Variants in TAF5L observed in about 807,000 individuals in gnomAD.
TAF5L encodes the protein TAF5-like RNA polymerase II p300/CBP-associated factor-associated factor 65 kDa subunit 5L.
In TAF5L, 7 loss-of-function variants were observed where a neutral mutation model predicts 51.3. The ratio of observed to expected loss-of-function variants is 0.14; its 90% confidence interval spans 0.08 to 0.26. TAF5L has a LOEUF of 0.26. Among genes scored for constraint, TAF5L ranks in the 10% least tolerant of loss-of-function variants. The pLI is 1.00. For synonymous variants in TAF5L, 291 were observed against 308.1 expected (o/e 0.94, Z 0.58); for missense variants, 575 against 758.9 (o/e 0.76, Z 2.85).
chr1:229,622,246 T>C (rs1359131261), intron 1 of TAF5L, among the ~76,000 whole-genome samples: 1 of 152,062 alleles, frequency 6.6e-6, no homozygotes, highest in Non-Finnish European at 1.5e-5. Context: ...TGAATAAATA[T>C]CCCAAACTAG....
chr1:229,594,953 C>T lies in TAF5L; in HGVS notation c.1114G>A (p.Gly372Arg), dbSNP rs1664061913. The change falls in exon 5 of 5, where the codon GGG becomes AGG. Residue 372 changes from glycine (G) to arginine (R), a missense_variant. This residue lies in a region of TAF5L where 104 missense variants were observed against 218.3 expected (regional missense o/e 0.48). Coordinates refer to ENST00000258281, the Ensembl canonical transcript of TAF5L. The surrounding 1 kb of genome is among the most constrained non-coding windows in gnomAD (Gnocchi z 7.9). ...TACAACACAGTGTTGGTGAAACTCC[C>T]CAGATCCCAGTATCTGATGGACATG... The T allele has an allele frequency of 6.2e-7, 1 of 1,614,036 alleles. No homozygotes were observed. The highest frequency in any genetic ancestry group is 1.3e-5 in the African/African-American group (1 of 74,904).
Position 229,602,557 on chromosome 1 carries a change from T to C in TAF5L, c.610A>G (p.Arg204Gly). The change falls in exon 4 of 5, where the codon AGA becomes GGA. Residue 204 changes from arginine to glycine, a missense_variant. Arg to Gly is a moderately radical substitution (Grantham distance 125, BLOSUM62 -2). Around this residue, in one of 3 missense-constraint regions of TAF5L, gnomAD observed 380 missense variants for 443.7 expected, o/e 0.86. Transcript: ENST00000258281. This position sits in a 1 kb window ranked among gnomAD's most constrained non-coding sequence, Gnocchi z 4.6. ...CTGGCATACAGCTGATAGTCTGTTC[T>C]CTTGGCAGGCTGCACGTCAAGATGA... 6.2e-7 allele frequency: 1 copy of C among 1,614,214 alleles called. No homozygotes were observed. The highest frequency in any genetic ancestry group is 1.1e-5 in the South Asian group (1 of 91,086).
intron 3 of TAF5L, chr1:229,607,507 C>T: frequency 1.3e-5 from 13 of 981,376 alleles, no homozygotes; most frequent in Non-Finnish European, 1.6e-5. Flanking sequence ...TCCTCTTCCT[C>T]CTCCTCTTCC....
Position 229,600,535 on chromosome 1 carries a change from C to T in TAF5L, c.972+1660G>A, listed in dbSNP as rs1664333053. 2.1e-5 allele frequency: 21 copies of T among 985,326 alleles called. No homozygotes were observed. In the South Asian group the frequency reaches 8.9e-4, roughly 42 times the overall value. 61.0% of individuals were successfully genotyped at this position (985,326 alleles called of 1,614,324 possible). A position where few individuals can be genotyped will look rare whatever the true frequency, so the allele number is the denominator to read the frequency against. On this transcript the variant is annotated intron_variant, in intron 4 of 4. Transcript: ENST00000258281. ...CCCCTACAGTAATTGAATAACCGAGCTCTTCTCTAGTCCATCCATGTCTCC... is the reference window on the plus strand; with the variant it reads ...CCCCTACAGTAATTGAATAACCGAGTTCTTCTCTAGTCCATCCATGTCTCC...
chr1:229,606,460 G>A, intron 3 of TAF5L: 1 of 985,390 alleles, frequency 1.0e-6, no homozygotes, highest in African/African-American at 1.7e-5. Context: ...GAACAATGGA[G>A]TTTTTCATGA....
chr1:229,594,208 A>G lies in TAF5L; in HGVS notation c.*89T>C. 1 of 1,397,860 alleles carries G rather than the reference A, an allele frequency of 7.2e-7. No homozygotes were observed. Among genetic ancestry groups the G allele is most frequent in the Non-Finnish European group, 9.7e-7 (1 of 1,033,270 alleles). 86.6% of individuals were successfully genotyped at this position (1,397,860 alleles called of 1,614,324 possible). A position where few individuals can be genotyped will look rare whatever the true frequency, so the allele number is the denominator to read the frequency against. On this transcript the variant is annotated 3_prime_UTR_variant, in exon 5 of 5. Coordinates refer to ENST00000258281, the Ensembl canonical transcript of TAF5L. The surrounding 1 kb of genome is among the most constrained non-coding windows in gnomAD (Gnocchi z 7.9). ...AGAGAGGGGAGGAGGGGGCTCTTTC[A>G]CAGTCAATGATTCAATCTCAGCTCA...
intron 3 of TAF5L, among the ~76,000 whole-genome samples, chr1:229,605,657 T>C (rs866150459): frequency 4.6e-5 from 7 of 152,260 alleles, no homozygotes; most frequent in African/African-American, 1.7e-4. Flanking sequence ...CAGTAGACTT[T>C]GAGTAAAGCA....
At chr1:229,606,605 C>A in intron 3 of TAF5L, 1 of 985,448 alleles carries the variant, frequency 1.0e-6, no homozygotes, top group Non-Finnish European at 1.2e-6. Flanking sequence ...TGAAAGCCCA[C>A]ACTACTTGGT....
Position 229,602,440 on chromosome 1 carries a change from G to T in TAF5L, c.727C>A (p.Gln243Lys). ...TCCTTGACTCGCTTAATGCTCTCCTGTAAGACCTCTAGGGCAGCCTCGTTC... is the reference window on the plus strand; with the variant it reads ...TCCTTGACTCGCTTAATGCTCTCCTTTAAGACCTCTAGGGCAGCCTCGTTC... Residue 243 changes from glutamine (Q) to lysine (K), a missense_variant, in exon 4 of 5, where the codon CAG becomes AAG. Physicochemically the swap from Gln to Lys is moderately conservative, Grantham distance 53. Around this residue, in one of 3 missense-constraint regions of TAF5L, gnomAD observed 380 missense variants for 443.7 expected, o/e 0.86. Coordinates refer to ENST00000258281, the Ensembl canonical transcript of TAF5L. The surrounding 1 kb of genome is among the most constrained non-coding windows in gnomAD (Gnocchi z 4.6). The T allele has an allele frequency of 1.2e-6, 2 of 1,614,118 alleles. No individual in the cohort carries two copies. The highest frequency in any genetic ancestry group is 1.3e-5 in the African/African-American group (1 of 75,030).
intron 4 of TAF5L, chr1:229,601,725 C>T (rs1175609413): frequency 2.0e-5 from 20 of 1,001,600 alleles, no homozygotes; most frequent in Non-Finnish European, 2.3e-5. Flanking sequence ...TGCAGGGATG[C>T]CAGTATTCTT....
chr1:229,601,852 G>A, intron 4 of TAF5L: 3 of 1,053,974 alleles, frequency 2.8e-6, no homozygotes, highest in Non-Finnish European at 3.4e-6. Context: ...ATTTGTACCT[G>A]AGCAAATGTG....
chr1:229,600,366 C>T, intron 4 of TAF5L: 1 of 985,360 alleles, frequency 1.0e-6, no homozygotes, highest in African/African-American at 1.7e-5. Flanking sequence ...ATCTACAGTA[C>T]TTTCAGTATG....
chr1:229,596,989 G>A (rs546452604), intron 4 of TAF5L, among the ~76,000 whole-genome samples: 1 of 152,248 alleles, frequency 6.6e-6, no homozygotes, highest in East Asian at 1.9e-4. Flanking sequence ...ATTCACAATG[G>A]CTATTCCAAA....
Position 229,597,154 on chromosome 1 carries a change from G to A in TAF5L, c.973-2060C>T, listed in dbSNP as rs3767330. 2.0e-4 allele frequency among the ~76,000 whole-genome samples: 31 copies of A among 152,328 alleles called. No individual in the cohort carries two copies. In the East Asian group the frequency reaches 5.6e-3, roughly 27 times the overall value. ...CTCTACACCAGAAAGTTTATATAAA[G>A]ACTGTGGGAACAAAAATGACACCAG... On this transcript the variant is annotated intron_variant, in intron 4 of 4. Coordinates refer to ENST00000258281, the Ensembl canonical transcript of TAF5L.
Position 229,602,849 on chromosome 1 carries a change from G to A in TAF5L, c.318C>T (p.Asn106=). The change falls in exon 4 of 5, where the codon AAC becomes AAT. Residue 106 remains asparagine (N), a synonymous_variant. Transcript: ENST00000258281. This position sits in a 1 kb window ranked among gnomAD's most constrained non-coding sequence, Gnocchi z 4.6. Reference sequence around the variant, plus strand: ...TGCTCTTCGGACTGTTTTGGACCAGGTTGAGATGGAGGTAGACAAAGAGAG... The same window carrying A: ...TGCTCTTCGGACTGTTTTGGACCAGATTGAGATGGAGGTAGACAAAGAGAG... The A allele has an allele frequency of 1.2e-6, 2 of 1,611,246 alleles. No homozygotes were observed. Among genetic ancestry groups the A allele is most frequent in the Non-Finnish European group, 1.7e-6 (2 of 1,180,028 alleles).
chr1:229,624,713 C>T (rs1262176033), intron 1 of TAF5L, among the ~76,000 whole-genome samples: 1 of 152,168 alleles, frequency 6.6e-6, no homozygotes, highest in African/African-American at 2.4e-5. Flanking sequence ...CATCCTAGGT[C>T]TACTGTCACC....
At chr1:229,611,931 C>T (rs548050926) in intron 2 of TAF5L, among the ~76,000 whole-genome samples, 5 of 152,302 alleles carry the variant, frequency 3.3e-5, no homozygotes, top group African/African-American at 1.2e-4. Flanking sequence ...TTTGGGGATC[C>T]TTCCTTGGCT....
exon 5 of TAF5L, chr1:229,593,445 G>A (rs1012115164): frequency 6.6e-6 from 1 of 152,106 alleles, no homozygotes; most frequent in Admixed American, 6.6e-5. Flanking sequence ...TTTCTTTTGA[G>A]GGGAGAGAAT....
At chr1:229,617,104 A>C (rs1435523193) in intron 1 of TAF5L, among the ~76,000 whole-genome samples, 4 of 152,106 alleles carry the variant, frequency 2.6e-5, no homozygotes, top group African/African-American at 4.8e-5. Context: ...TAAATTGCTA[A>C]TACAGGGATT....
Sources: allele counts gnomAD v4.1 joint callset (sites outside exome capture counted in the v4.1 genomes callset), GRCh38; gene constraint gnomAD v4.1.1; regional missense constraint gnomAD v4.1.1; non-coding constraint Gnocchi (gnomAD v3.1); transcripts MANE v1.5; gene names NCBI Gene and HGNC (gene_info 2026-07-23, HGNC 2026-07-21).